LGR5: variants seen among roughly 807,000 people sequenced by gnomAD.
LGR5 encodes the protein leucine rich repeat containing G protein-coupled receptor 5, also known as leucine-rich repeat-containing G protein-coupled receptor 5.
LGR5 carries 54 observed loss-of-function variants against 76.7 expected under a neutral mutation model. The observed-to-expected ratio is 0.70, with a 90% CI of 0.57 to 0.88. The LOEUF (loss-of-function observed/expected upper bound fraction) is 0.88, where lower values mean the gene tolerates loss of function less well. Ranked by LOEUF, LGR5 falls within the 40% of genes least tolerant of loss-of-function variation. LGR5 has a pLI of 0.00. For synonymous variants in LGR5, 406 were observed against 421.9 expected, an observed-to-expected ratio of 0.96 and a Z score of 0.46; for missense variants, 1,078 against 1,073.3, an observed-to-expected ratio of 1.00 and a Z score of -0.06.
In LGR5 at chr12:71,580,297, G is replaced by T. The variant is rs758787528; in HGVS notation, c.1426G>T (p.Ala476Ser). ...TTAAAGGGTTATAGAAATGCCTTAT[G>T]CTTACCAGTGCTGTGCATTTGGAGT... Reference protein sequence around the residue: ...PELKVIEMPYAYQCCAFGVCE... With the variant: ...PELKVIEMPYSYQCCAFGVCE... The change falls in exon 16 of 18, where the codon GCT (alanine) becomes TCT (serine). Residue 476 changes from alanine to serine, a missense_variant. Physicochemically the swap from Ala to Ser is moderately conservative, Grantham distance 99 (BLOSUM62 1). Transcript: ENST00000266674. The T allele has an allele frequency of 6.2e-7, 1 of 1,612,248 alleles. No individual in the cohort carries two copies. The highest frequency in any genetic ancestry group is 1.1e-5 in the South Asian group (1 of 90,730).
Position 71,580,258 on chromosome 12 carries a change from TGGG to T in LGR5, c.1407-19_1407-17del, listed in dbSNP as rs1330870754. ...TCCGTTTCTTTAAGTGTTTTTTGTT[TGGG>T]TTTTGTTCATTTAAAGGGTTATAGA... On this transcript the variant is annotated splice_polypyrimidine_tract_variant and intron_variant, in intron 15 of 17. Transcript: ENST00000266674. 2 of 1,579,200 alleles carry T rather than the reference TGGG, an allele frequency of 1.3e-6. No homozygotes were observed. The highest frequency in any genetic ancestry group is 1.9e-5 in the Admixed American group (1 of 52,030).
intron 1 of LGR5, among the ~76,000 whole-genome samples, chr12:71,499,030 C>T (rs1034064196): frequency 3.3e-5 from 5 of 152,060 alleles, no homozygotes; most frequent in African/African-American, 7.2e-5. Flanking sequence ...TTATAGTCAC[C>T]GATCTGCACA....
At chr12:71,560,211 G>A (rs1432448549) in intron 7 of LGR5, among the ~76,000 whole-genome samples, 1 of 152,158 alleles carries the variant, frequency 6.6e-6, no homozygotes, top group African/African-American at 2.4e-5. Flanking sequence ...ATAGTCTAAT[G>A]TTGGCCAGAA....
intron 11 of LGR5, 196 bp downstream of exon 11, chr12:71,567,108 T>G: frequency 1.8e-6 from 1 of 564,664 alleles, no homozygotes; most frequent in South Asian, 2.2e-5. Flanking sequence ...TAATGTACCC[T>G]TTGTTTTCTA....
At chr12:71,489,940 T>C (rs768753001) in intron 1 of LGR5, among the ~76,000 whole-genome samples, 8 of 151,970 alleles carry the variant, frequency 5.3e-5, no homozygotes, top group Non-Finnish European at 8.8e-5. Flanking sequence ...AGACAGGTCA[T>C]GGAATGGTCG....
At chr12:71,553,442 A>G (rs1455260252) in intron 5 of LGR5, among the ~76,000 whole-genome samples, 154 bp downstream of exon 5, 2 of 152,112 alleles carry the variant, frequency 1.3e-5, no homozygotes, top group African/African-American at 4.8e-5. Flanking sequence ...AAATGCTCCA[A>G]TTGTGTAAAT....
At chr12:71,454,240 A>T (rs746708124) in intron 1 of LGR5, among the ~76,000 whole-genome samples, 1 of 152,146 alleles carries the variant, frequency 6.6e-6, no homozygotes, top group Non-Finnish European at 1.5e-5. Context: ...ATATCTTACT[A>T]CGTGTAAAAA....
chr12:71,466,676 T>C (rs780833242), intron 1 of LGR5, among the ~76,000 whole-genome samples: 2 of 152,120 alleles, frequency 1.3e-5, no homozygotes, highest in Non-Finnish European at 2.9e-5. Flanking sequence ...TTCCATGTTT[T>C]TTTTTTTATG....
chr12:71,506,892 G>T (rs369247792), intron 2 of LGR5, among the ~76,000 whole-genome samples: 6 of 151,870 alleles, frequency 4.0e-5, no homozygotes, highest in African/African-American at 1.5e-4. Flanking sequence ...GTTTGGGGAG[G>T]TTCTATTTTT....
chr12:71,547,015 G>A (rs910949891), intron 4 of LGR5, among the ~76,000 whole-genome samples: 5 of 152,210 alleles, frequency 3.3e-5, no homozygotes, highest in Admixed American at 1.3e-4. Flanking sequence ...GAGCAGCAGC[G>A]CCTCTTGAGT....
Position 71,552,300 on chromosome 12 carries a change from C to T in LGR5, c.429-773C>T, listed in dbSNP as rs371424267. 1.8e-3 allele frequency among the ~76,000 whole-genome samples: 274 copies of T among 152,152 alleles called. 1 individual carries two copies. The highest frequency in any genetic ancestry group is 5.5e-3 in the African/African-American group (227 of 41,510). ...AATTACTCGGCCAGGTGCGGTGGCT[C>T]ACACCTGTAATCCCAGTACTTTGGG... On this transcript the variant is annotated intron_variant, in intron 4 of 17. Coordinates refer to ENST00000266674, the MANE Select transcript of LGR5 (RefSeq NM_003667.4).
At chr12:71,568,234 G>C (rs1269548364) in intron 11 of LGR5, among the ~76,000 whole-genome samples, 2 of 152,188 alleles carry the variant, frequency 1.3e-5, no homozygotes, top group Admixed American at 6.5e-5. Context: ...CTGGCAAAAT[G>C]ACTTTAAAAG....
chr12:71,447,095 T>C (rs182385131), intron 1 of LGR5, among the ~76,000 whole-genome samples: 2 of 152,268 alleles, frequency 1.3e-5, no homozygotes, highest in African/African-American at 4.8e-5. Context: ...CTATTTGAGC[T>C]TGTATTCACC....
chr12:71,439,574 C>A (rs1473631990), upstream of LGR5, among the ~76,000 whole-genome samples: 1 of 152,012 alleles, frequency 6.6e-6, no homozygotes, highest in Non-Finnish European at 1.5e-5. Flanking sequence ...AGCACTGAAT[C>A]TTCCAGGCGG....
chr12:71,528,071 GT>G (rs1876107994), intron 3 of LGR5, among the ~76,000 whole-genome samples: 1 of 148,760 alleles, frequency 6.7e-6, no homozygotes. Flanking sequence ...GGAATAAACA[GT>G]TTCTCTCAAG....
At position 71,573,913 on chromosome 12, in the gene LGR5, T is replaced by TAAAA. The variant is rs3070200; in HGVS notation, c.1208+1000_1208+1003dup. Among the ~76,000 whole-genome samples the TAAAA allele has an allele frequency of 1.6e-3, 239 of 147,566 alleles. 3 individuals are homozygous for TAAAA. Among genetic ancestry groups the TAAAA allele is most frequent in the African/African-American group, 4.8e-3 (194 of 40,260 alleles). On this transcript the variant is annotated intron_variant, in intron 13 of 17. Coordinates refer to ENST00000266674, the MANE Select transcript of LGR5 (RefSeq NM_003667.4). Reference sequence around the variant, plus strand: ...AATCTACTTGTGGAGTGCTTTTACTTAAAAAAAAAAAGTGTAAAAGGAAAA... The same window carrying TAAAA: ...AATCTACTTGTGGAGTGCTTTTACTTAAAAAAAAAAAAAAAGTGTAAAAGGAAAA...
chr12:71,568,091 G>A (rs570870278), intron 11 of LGR5, among the ~76,000 whole-genome samples: 7 of 152,220 alleles, frequency 4.6e-5, no homozygotes, highest in East Asian at 3.9e-4. Context: ...GAAAACTGGC[G>A]CAGTTATATG....
At chr12:71,576,673 T>C (rs575180352) in intron 13 of LGR5, among the ~76,000 whole-genome samples, 2 of 152,288 alleles carry the variant, frequency 1.3e-5, no homozygotes, top group African/African-American at 2.4e-5. Context: ...TTTGAACATA[T>C]AAATTCTCAC....
intron 4 of LGR5, among the ~76,000 whole-genome samples, chr12:71,546,973 C>A (rs571021323): frequency 2.6e-5 from 4 of 152,176 alleles, no homozygotes; most frequent in Admixed American, 6.5e-5. Context: ...CCACTGGGAC[C>A]GTAAGAGACA....
Sources: allele counts gnomAD v4.1 joint callset (sites outside exome capture counted in the v4.1 genomes callset), GRCh38; gene constraint gnomAD v4.1.1; transcripts MANE v1.5; gene names NCBI Gene and HGNC (gene_info 2026-07-23, HGNC 2026-07-21).